TAFA4: variants seen among roughly 807,000 people sequenced by gnomAD.
The protein encoded by TAFA4 is chemokine-like protein TAFA-4.
In TAFA4, 20 loss-of-function variants were observed where a neutral mutation model predicts 21.1. That is an observed-to-expected ratio of 0.95 (90% CI 0.67 to 1.38). TAFA4 has a LOEUF of 1.38. TAFA4 is among the 40% of genes most tolerant of loss of function. The probability of loss-of-function intolerance (pLI) is 0.00; values close to 1 mark genes in which losing one functional copy is unlikely to be tolerated. For synonymous variants in TAFA4, 71 were observed against 67.4 expected (o/e 1.05, Z -0.26); for missense variants, 211 against 180.9 (o/e 1.17, Z -0.95).
chr3:68,797,567 C>T (rs569866780), intron 3 of TAFA4, among the ~76,000 whole-genome samples: 36 of 136,050 alleles, frequency 2.6e-4, no homozygotes, highest in Non-Finnish European at 4.4e-4. Flanking sequence ...GAGCTGAGAT[C>T]ATGCCACTAC....
rs200947650 is a variant in TAFA4 at position 68,783,711 on chromosome 3, G to A, written c.131-30693C>T. ...AGAGAGAGAGAGAGAGAGAGAGAAAGAAAAAGAAAGAAAGAAAGAAAGAAA... is the reference window on the plus strand; with the variant it reads ...AGAGAGAGAGAGAGAGAGAGAGAAAAAAAAAGAAAGAAAGAAAGAAAGAAA... On this transcript the variant is annotated intron_variant, in intron 3 of 5. Transcript: ENST00000295569. Among the ~76,000 whole-genome samples the A allele has an allele frequency of 2.9e-4, 16 of 55,616 alleles. No individual in the cohort carries two copies. In the East Asian group the frequency reaches 3.4e-3, roughly 12 times the overall value. The allele number at this position is 55,616 out of a possible 152,430, so 36.5% of individuals were successfully genotyped here.
chr3:68,842,946 T>G (rs922322464), intron 3 of TAFA4, among the ~76,000 whole-genome samples: 1 of 152,134 alleles, frequency 6.6e-6, no homozygotes, highest in East Asian at 1.9e-4. Context: ...AGCCTTGGAG[T>G]GTAGTTTGAA....
chr3:68,843,554 G>A lies in TAFA4; in HGVS notation c.130+37176C>T, dbSNP rs535307837. Among the ~76,000 whole-genome samples the A allele has an allele frequency of 2.0e-5, 3 of 152,282 alleles. No homozygotes were observed. The East Asian group carries it at 5.8e-4, about 29-fold the overall frequency. The stretch of plus-strand genomic sequence containing the variant: ...CCCCAGCCAGAACTTCCTATATTAT[G>A]TTGAATAGGAGTGGTGAGAGAGGGC... On this transcript the variant is annotated intron_variant, in intron 3 of 5. Coordinates refer to ENST00000295569, the MANE Select transcript of TAFA4 (RefSeq NM_182522.5).
At chr3:68,759,330 A>T (rs755486578) in intron 3 of TAFA4, among the ~76,000 whole-genome samples, 8 of 152,232 alleles carry the variant, frequency 5.3e-5, no homozygotes, top group Non-Finnish European at 8.8e-5. Context: ...ATTTTTACCA[A>T]GTATCTGGGT....
intron 3 of TAFA4, among the ~76,000 whole-genome samples, chr3:68,828,329 C>G (rs1377984912): frequency 6.6e-6 from 1 of 152,144 alleles, no homozygotes; most frequent in Non-Finnish European, 1.5e-5. Context: ...CAGCTTTGTT[C>G]TTTTGGCTAA....
chr3:68,822,352 G>A (rs1704131340), intron 3 of TAFA4, among the ~76,000 whole-genome samples: 2 of 152,288 alleles, frequency 1.3e-5, no homozygotes, highest in Admixed American at 1.3e-4. Flanking sequence ...CCTGCTGAGT[G>A]ACAATGGCCA....
intron 3 of TAFA4, among the ~76,000 whole-genome samples, chr3:68,803,873 C>T (rs1461088852): frequency 8.0e-6 from 1 of 124,300 alleles, no homozygotes; most frequent in Non-Finnish European, 1.6e-5. Flanking sequence ...GGTGTGATCT[C>T]GGCTCACGGC....
At chr3:68,853,330 C>A (rs755358652) in intron 3 of TAFA4, among the ~76,000 whole-genome samples, 2 of 152,012 alleles carry the variant, frequency 1.3e-5, no homozygotes, top group South Asian at 4.1e-4. Flanking sequence ...AGTGTGACTC[C>A]GTAATATCTA....
intron 3 of TAFA4, among the ~76,000 whole-genome samples, chr3:68,806,692 G>T (rs944301396): frequency 6.6e-6 from 1 of 152,118 alleles, no homozygotes; most frequent in African/African-American, 2.4e-5. Flanking sequence ...AGAATTAGAT[G>T]AGGTCATGAG....
chr3:68,877,759 G>C (rs1319016716), intron 3 of TAFA4, among the ~76,000 whole-genome samples: 1 of 152,100 alleles, frequency 6.6e-6, no homozygotes, highest in Admixed American at 6.6e-5. Context: ...AACCCTGAAG[G>C]CTCTGACCAC....
At chr3:68,788,419 G>C (rs559316134) in intron 3 of TAFA4, among the ~76,000 whole-genome samples, 1 of 152,154 alleles carries the variant, frequency 6.6e-6, no homozygotes, top group Non-Finnish European at 1.5e-5. Flanking sequence ...GGTCATTTCT[G>C]ACTATGCTAT....
chr3:68,779,915 C>T (rs1164752633), intron 3 of TAFA4, among the ~76,000 whole-genome samples: 2 of 152,190 alleles, frequency 1.3e-5, no homozygotes, highest in African/African-American at 2.4e-5. Context: ...AAGCTGCAGA[C>T]ACTCAATGCC....
intron 1 of TAFA4, among the ~76,000 whole-genome samples, chr3:68,912,363 T>C (rs1327441162): frequency 6.6e-6 from 1 of 152,222 alleles, no homozygotes; most frequent in East Asian, 1.9e-4. Flanking sequence ...ATTAAAAGAC[T>C]GCTGCAACTC....
At chr3:68,774,070 G>A (rs1449901395) in intron 3 of TAFA4, among the ~76,000 whole-genome samples, 12 of 152,100 alleles carry the variant, frequency 7.9e-5, no homozygotes, top group Admixed American at 7.9e-4. Flanking sequence ...CTAGGCCTGG[G>A]GGTAGACATT....
chr3:68,805,550 C>A (rs1703676372), intron 3 of TAFA4, among the ~76,000 whole-genome samples: 1 of 152,130 alleles, frequency 6.6e-6, no homozygotes, highest in South Asian at 2.1e-4. Flanking sequence ...GACTTGGAAC[C>A]AACCCAAATG....
intron 3 of TAFA4, among the ~76,000 whole-genome samples, chr3:68,813,460 C>T (rs1031135457): frequency 2.0e-5 from 3 of 152,062 alleles, no homozygotes; most frequent in East Asian, 3.9e-4. Context: ...ATCAAATAGA[C>T]ACAATAAAAA....
chr3:68,902,712 TG>T (rs778574142), intron 1 of TAFA4, among the ~76,000 whole-genome samples: 63 of 152,308 alleles, frequency 4.1e-4, no homozygotes, highest in South Asian at 1.7e-3. Context: ...CCTTGTCTTT[TG>T]GTCTTCCTCT....
chr3:68,758,687 A>C (rs969838599), intron 3 of TAFA4, among the ~76,000 whole-genome samples: 13 of 152,202 alleles, frequency 8.5e-5, no homozygotes, highest in Non-Finnish European at 7.3e-5. Context: ...ATATATTTTT[A>C]TTTCTTTGTA....
intron 3 of TAFA4, among the ~76,000 whole-genome samples, chr3:68,825,462 G>A (rs1014223737): frequency 4.0e-5 from 6 of 151,892 alleles, no homozygotes; most frequent in East Asian, 1.9e-4. Flanking sequence ...ATACATGCAC[G>A]TGTATGTTCA....
Sources: gnomAD v4.1 joint callset for allele counts (sites outside exome capture counted in the v4.1 genomes callset) on GRCh38, gnomAD v4.1.1 for gene constraint, MANE v1.5 for transcripts, NCBI Gene and HGNC (gene_info 2026-07-23, HGNC 2026-07-21) for gene names.